FCHO2: variants seen among roughly 807,000 people sequenced by gnomAD.
The protein encoded by FCHO2 is FCH and mu domain containing endocytic adaptor 2.
In FCHO2, 43 loss-of-function variants were observed where a neutral mutation model predicts 114.1. The observed-to-expected ratio is 0.38, with a 90% CI of 0.30 to 0.49. The LOEUF is 0.49. Among genes scored for constraint, FCHO2 ranks in the 20% least tolerant of loss-of-function variants. FCHO2 has a pLI of 0.97. For missense variants in FCHO2, 807 were observed against 950.4 expected, an observed-to-expected ratio of 0.85 and a Z score of 1.98; for synonymous variants, 293 against 315.2, an observed-to-expected ratio of 0.93 and a Z score of 0.75.
At chr5:73,081,749 C>G (rs1743098240) in intron 22 of FCHO2, 34 bp from the exon 23 acceptor site, 2 of 1,416,930 alleles carry the variant, frequency 1.4e-6, no homozygotes, top group Non-Finnish European at 9.3e-7. Context: ...ACTTTTCAGG[C>G]CAAAAACAAT....
At chr5:73,019,501 A>G (rs112517188) in intron 8 of FCHO2, among the ~76,000 whole-genome samples, 2,390 of 152,250 alleles carry the variant, frequency 0.016, 69 homozygotes, top group African/African-American at 0.055. Flanking sequence ...AGATTGCGCC[A>G]TTGCACTCCA....
chr5:73,035,342 C>T (rs889242278), intron 9 of FCHO2, among the ~76,000 whole-genome samples: 6 of 152,186 alleles, frequency 3.9e-5, no homozygotes, highest in African/African-American at 1.4e-4. Flanking sequence ...TTGCTGGAGC[C>T]TGGGAGGAGG....
chr5:72,989,422 A>C lies in FCHO2; in HGVS notation c.126-5A>C, dbSNP rs1304776356. The C allele has an allele frequency of 6.3e-7, 1 of 1,599,288 alleles. No homozygotes were observed. The highest frequency in any genetic ancestry group is 8.5e-7 in the Non-Finnish European group (1 of 1,171,772). On this transcript the variant is annotated splice_region_variant and splice_polypyrimidine_tract_variant and intron_variant, in intron 2 of 25. Coordinates refer to ENST00000430046, the MANE Select transcript of FCHO2 (RefSeq NM_138782.3). ...GTATTATGATGTGGATATTTGATTT[A>C]ACAGAGCTACCATAGAGGAGGCATA...
chr5:73,023,118 G>A (rs1308373033), intron 8 of FCHO2, among the ~76,000 whole-genome samples: 1 of 152,076 alleles, frequency 6.6e-6, no homozygotes, highest in East Asian at 1.9e-4. Flanking sequence ...TATTCTGAAA[G>A]GGATAATGGA....
At chr5:73,048,901 G>A (rs1757203515) in intron 11 of FCHO2, among the ~76,000 whole-genome samples, 1 of 141,162 alleles carries the variant, frequency 7.1e-6, no homozygotes, top group South Asian at 2.3e-4. Flanking sequence ...TTTTGAGACG[G>A]AGTCTCGCTC....
chr5:72,978,347 G>A (rs1370851988), intron 2 of FCHO2, among the ~76,000 whole-genome samples: 1 of 152,068 alleles, frequency 6.6e-6, no homozygotes, highest in Admixed American at 6.6e-5. Context: ...TGTATTTCTA[G>A]GTATTTTATT....
intron 11 of FCHO2, among the ~76,000 whole-genome samples, chr5:73,042,212 A>C (rs1313926334): frequency 6.6e-6 from 1 of 152,170 alleles, no homozygotes; most frequent in Non-Finnish European, 1.5e-5. Context: ...ATAATGAGTT[A>C]CGGGGTTAAA....
chr5:73,000,621 C>A (rs1467954936), intron 5 of FCHO2, among the ~76,000 whole-genome samples: 2 of 151,056 alleles, frequency 1.3e-5, no homozygotes, highest in Non-Finnish European at 2.9e-5. Context: ...GCTAAAAATA[C>A]AAAATTAGCC....
intron 16 of FCHO2, among the ~76,000 whole-genome samples, chr5:73,056,626 T>A (rs1398525336): frequency 6.6e-6 from 1 of 152,144 alleles, no homozygotes; most frequent in African/African-American, 2.4e-5. Flanking sequence ...TATGTCCTTT[T>A]ACAATAAAAA....
chr5:73,083,269 A>T (rs990988095), intron 24 of FCHO2, among the ~76,000 whole-genome samples: 1 of 152,228 alleles, frequency 6.6e-6, no homozygotes, highest in South Asian at 2.1e-4. Context: ...TCATGCCCTC[A>T]GTTCTAGAAA....
chr5:73,050,635 T>A (rs535366015), intron 11 of FCHO2, among the ~76,000 whole-genome samples: 3 of 152,162 alleles, frequency 2.0e-5, no homozygotes, highest in Non-Finnish European at 2.9e-5. Flanking sequence ...GTGTTTTTAT[T>A]GGCAAGACTA....
intron 17 of FCHO2, among the ~76,000 whole-genome samples, chr5:73,058,980 C>G (rs1757725815): frequency 6.6e-6 from 1 of 152,062 alleles, no homozygotes; most frequent in Non-Finnish European, 1.5e-5. Flanking sequence ...AAGATGATGT[C>G]CATGATACTT....
In FCHO2 at chr5:73,017,265, A is replaced by T. The variant is rs754403480; in HGVS notation, c.753A>T (p.Ile251=). 6.5e-5 allele frequency: 102 copies of T among 1,567,468 alleles called. No individual in the cohort carries two copies. The highest frequency in any genetic ancestry group is 8.5e-5 in the Non-Finnish European group (98 of 1,155,328). The stretch of plus-strand genomic sequence containing the variant: ...CTAATACTACAGTTGAAAGTTTGAT[A>T]CAAAAATTTGCTGAGTCAAAAGGCA... ...NMANTTVESL[I]QKFAESKGTG... Residue 251 remains isoleucine, a synonymous_variant, in exon 8 of 26, where the codon ATA becomes ATT. Transcript: ENST00000430046.
At chr5:73,059,086 T>C (rs1049769154) in intron 17 of FCHO2, among the ~76,000 whole-genome samples, 42 of 152,188 alleles carry the variant, frequency 2.8e-4, no homozygotes, top group African/African-American at 9.2e-4. Context: ...CAATAATATA[T>C]GAAGTTTCTC....
At chr5:73,027,032 T>G (rs1439069442) in intron 8 of FCHO2, among the ~76,000 whole-genome samples, 2 of 150,724 alleles carry the variant, frequency 1.3e-5, no homozygotes, top group East Asian at 3.9e-4. Flanking sequence ...TTTTTTTTTT[T>G]TTTTTAGTGT....
chr5:72,971,204 G>T (rs1304734709), intron 2 of FCHO2, among the ~76,000 whole-genome samples: 2 of 152,100 alleles, frequency 1.3e-5, no homozygotes, highest in South Asian at 2.1e-4. Context: ...ATAGTCCTTT[G>T]GGTATATACC....
chr5:73,068,671 G>A lies in FCHO2; in HGVS notation c.1471G>A (p.Val491Ile). 6.2e-7 allele frequency: 1 copy of A among 1,611,524 alleles called. No homozygotes were observed. The highest frequency in any genetic ancestry group is 8.5e-7 in the Non-Finnish European group (1 of 1,178,538). ...NEIPRPFSPPVTSNTSPPPAA... is the reference protein window; with the variant it reads ...NEIPRPFSPPITSNTSPPPAA... Reference sequence around the variant, plus strand: ...TAAGCCCAGGCCATTCAGCCCACCTGTAACTTCCAACACCAGCCCACCTCC... The same window carrying A: ...TAAGCCCAGGCCATTCAGCCCACCTATAACTTCCAACACCAGCCCACCTCC... Residue 491 changes from valine (V) to isoleucine (I), a missense_variant, in exon 19 of 26, where the codon GTA (valine) becomes ATA (isoleucine). Val to Ile is a conservative substitution (Grantham distance 29, BLOSUM62 3). Transcript: ENST00000430046.
At chr5:72,976,323 CCTT>C (rs1752874106) in intron 2 of FCHO2, among the ~76,000 whole-genome samples, 1 of 152,074 alleles carries the variant, frequency 6.6e-6, no homozygotes, top group Non-Finnish European at 1.5e-5. Flanking sequence ...AAGTGATCCT[CCTT>C]GCCCAGCCTT....
At chr5:73,006,925 A>G (rs1754748399) in intron 6 of FCHO2, among the ~76,000 whole-genome samples, 1 of 152,176 alleles carries the variant, frequency 6.6e-6, no homozygotes. Flanking sequence ...CTTACATATT[A>G]GTGAGGGAAG....
Sources: gnomAD v4.1 joint callset for allele counts (sites outside exome capture counted in the v4.1 genomes callset) on GRCh38, gnomAD v4.1.1 for gene constraint, MANE v1.5 for transcripts, NCBI Gene and HGNC (gene_info 2026-07-23, HGNC 2026-07-21) for gene names.